Variants in SPTLC3 observed in about 807,000 individuals in gnomAD.
SPTLC3 encodes serine palmitoyltransferase 3.
A neutral mutation model predicts 59.3 loss-of-function variants in SPTLC3; 36 were observed. The observed-to-expected ratio is 0.61, with a 90% CI of 0.47 to 0.80. SPTLC3 has a LOEUF of 0.80. Ranked by LOEUF, SPTLC3 falls within the 30% of genes least tolerant of loss-of-function variation. The pLI is 0.00. For synonymous variants in SPTLC3, 257 were observed against 240.8 expected (o/e 1.07, Z -0.62); for missense variants, 625 against 685.1 (o/e 0.91, Z 0.98).
chr20:13,016,853 C>A (rs1388509256), intron 1 of SPTLC3, among the ~76,000 whole-genome samples: 1 of 152,070 alleles, frequency 6.6e-6, no homozygotes, highest in African/African-American at 2.4e-5. Flanking sequence ...CTTCAAAGTG[C>A]CAGGCATTCC....
At chr20:13,014,027 C>A (rs765415746) in intron 1 of SPTLC3, among the ~76,000 whole-genome samples, 1 of 152,202 alleles carries the variant, frequency 6.6e-6, no homozygotes, top group Non-Finnish European at 1.5e-5. Context: ...CATTATTCTG[C>A]AGAGTAGCCC....
chr20:13,094,622 G>T (rs534387626), intron 6 of SPTLC3, among the ~76,000 whole-genome samples: 1 of 152,092 alleles, frequency 6.6e-6, no homozygotes, highest in African/African-American at 2.4e-5. Context: ...TGCCCACCTC[G>T]CAGCAATCTT....
chr20:13,012,663 T>C (rs1985316734), intron 1 of SPTLC3, among the ~76,000 whole-genome samples: 1 of 152,228 alleles, frequency 6.6e-6, no homozygotes, highest in Non-Finnish European at 1.5e-5. Flanking sequence ...AGGCATCTCC[T>C]GTACCTTCAA....
chr20:13,041,774 A>C (rs1600225090), intron 1 of SPTLC3, among the ~76,000 whole-genome samples: 1 of 126,922 alleles, frequency 7.9e-6, no homozygotes, highest in South Asian at 2.4e-4. Context: ...GTGTTTGCTT[A>C]TTTTTTTAGT....
Position 13,166,629 on chromosome 20 carries a change from A to G in SPTLC3, c.*1762A>G, listed in dbSNP as rs1261739518. On this transcript the variant is annotated 3_prime_UTR_variant, in exon 12 of 12. Coordinates refer to ENST00000399002, the MANE Select transcript of SPTLC3 (RefSeq NM_018327.4). ...GAGACATACTGTTCTTATCTTGAATATGTGCATTTAAATGAATTGTCCAAA... is the reference window on the plus strand; with the variant it reads ...GAGACATACTGTTCTTATCTTGAATGTGTGCATTTAAATGAATTGTCCAAA... The G allele has an allele frequency of 6.6e-6, 1 of 152,248 alleles. No individual in the cohort carries two copies. The highest frequency in any genetic ancestry group is 6.5e-5 in the Admixed American group (1 of 15,286). 9.4% of individuals were successfully genotyped at this position (152,248 alleles called of 1,614,324 possible).
intron 1 of SPTLC3, among the ~76,000 whole-genome samples, chr20:13,038,289 GA>G (rs1240226427): frequency 6.6e-6 from 1 of 152,066 alleles, no homozygotes; most frequent in Non-Finnish European, 1.5e-5. Flanking sequence ...ATGTTTGGCA[GA>G]ATTCACCAGC....
intron 6 of SPTLC3, among the ~76,000 whole-genome samples, chr20:13,106,374 C>T (rs1257736854): frequency 2.6e-5 from 4 of 152,136 alleles, no homozygotes; most frequent in Non-Finnish European, 4.4e-5. Context: ...AAACGAACAT[C>T]GCGATGAGTG....
chr20:13,011,751 T>C (rs1455728750), intron 1 of SPTLC3, among the ~76,000 whole-genome samples: 1 of 151,864 alleles, frequency 6.6e-6, no homozygotes, highest in African/African-American at 2.4e-5. Context: ...TTTTTTTCTT[T>C]AAACCTCATA....
At chr20:13,050,108 G>T (rs1388374909) in intron 2 of SPTLC3, 1 of 152,108 alleles carries the variant, frequency 6.6e-6, no homozygotes, top group African/African-American at 2.4e-5. Flanking sequence ...ACCTGAAAAA[G>T]AATTCAGGAG....
chr20:13,072,215 A>T, intron 2 of SPTLC3, 41 bp from the exon 3 acceptor site: 1 of 1,564,972 alleles, frequency 6.4e-7, no homozygotes, highest in Non-Finnish European at 8.6e-7. Context: ...AAATCCAGAA[A>T]GCAAAGAACC....
intron 10 of SPTLC3, among the ~76,000 whole-genome samples, chr20:13,158,316 A>G (rs2038819918): frequency 6.6e-6 from 1 of 152,200 alleles, no homozygotes; most frequent in African/African-American, 2.4e-5. Context: ...TTAACTTAAG[A>G]ACACTAGCTT....
rs561303371 is a variant in SPTLC3 at position 13,110,552 on chromosome 20, T to A, written c.932+335T>A. 1.3e-3 allele frequency among the ~76,000 whole-genome samples: 193 copies of A among 152,264 alleles called. 2 individuals carry two copies. Among genetic ancestry groups the A allele is most frequent in the African/African-American group, 4.1e-3 (170 of 41,560 alleles). On this transcript the variant is annotated intron_variant, in intron 7 of 11. Coordinates refer to ENST00000399002, the MANE Select transcript of SPTLC3 (RefSeq NM_018327.4). ...CGTTTCGCAGCTGGGTTATTCAAGA[T>A]CAAAACACTCCTTGCCTTTATGACT... is the stretch of plus-strand genomic sequence containing the variant.
chr20:13,014,113 C>T (rs894276154), intron 1 of SPTLC3, among the ~76,000 whole-genome samples: 2 of 152,184 alleles, frequency 1.3e-5, no homozygotes, highest in African/African-American at 4.8e-5. Flanking sequence ...GTCCTAGGGA[C>T]ATTTCTGCTA....
chr20:13,027,637 G>GCGCA (rs1986216036), intron 1 of SPTLC3, among the ~76,000 whole-genome samples: 1 of 71,532 alleles, frequency 1.4e-5, no homozygotes, highest in African/African-American at 4.1e-5. Context: ...ATCTATTTCA[G>GCGCA]CACGCACACA....
intron 1 of SPTLC3, among the ~76,000 whole-genome samples, chr20:13,031,138 C>A (rs183736103): frequency 1.3e-5 from 2 of 152,038 alleles, no homozygotes; most frequent in Non-Finnish European, 2.9e-5. Context: ...AACTTTATTA[C>A]AAAATTAGGC....
At chr20:13,044,456 C>T (rs1987141419) in intron 1 of SPTLC3, among the ~76,000 whole-genome samples, 1 of 152,112 alleles carries the variant, frequency 6.6e-6, no homozygotes, top group African/African-American at 2.4e-5. Flanking sequence ...CCTTGGTCTC[C>T]TGTCTTTCTT....
At chr20:13,082,157 TCAAA>T (rs1988861620) in intron 4 of SPTLC3, among the ~76,000 whole-genome samples, 1 of 152,204 alleles carries the variant, frequency 6.6e-6, no homozygotes, top group Non-Finnish European at 1.5e-5. Context: ...TCTGGGATGA[TCAAA>T]CAATGTTGAA....
chr20:13,079,791 G>A (rs1174863985), intron 4 of SPTLC3: 2 of 468,996 alleles, frequency 4.3e-6, no homozygotes, highest in Non-Finnish European at 8.8e-6. Flanking sequence ...TGTGTGGGAG[G>A]GGTCTTGCAA....
At chr20:13,028,747 A>T (rs1455982233) in intron 1 of SPTLC3, among the ~76,000 whole-genome samples, 2 of 152,184 alleles carry the variant, frequency 1.3e-5, no homozygotes, top group Admixed American at 6.6e-5. Context: ...AACCAGGATC[A>T]AAGCCAACAA....
Sources: allele counts gnomAD v4.1 joint callset (sites outside exome capture counted in the v4.1 genomes callset), GRCh38; gene constraint gnomAD v4.1.1; transcripts MANE v1.5; gene names NCBI Gene and HGNC (gene_info 2026-07-23, HGNC 2026-07-21).